The following CSMD3 variants were observed in gnomAD, a reference collection of about 807,000 sequenced individuals.
CSMD3 encodes CUB and sushi domain-containing protein 3.
Under a neutral mutation model 435.2 loss-of-function variants are expected in CSMD3, and 177 were observed. The observed-to-expected ratio is 0.41, with a 90% CI of 0.36 to 0.46. The LOEUF is 0.46. Ranked by LOEUF, CSMD3 falls within the 20% of genes least tolerant of loss-of-function variation. The pLI, the probability that CSMD3 is intolerant of heterozygous loss-of-function variation, is 0.34. For synonymous variants in CSMD3, 1,656 were observed against 1,520.5 expected, an observed-to-expected ratio of 1.09 and a Z score of -2.07; for missense variants, 4,265 against 4,504.6, an observed-to-expected ratio of 0.95 and a Z score of 1.52.
rs77664743 is a variant in CSMD3 at position 112,481,870 on chromosome 8, T to C, written c.5279-9163A>G. Among the ~76,000 whole-genome samples, 519 of 152,282 alleles carry C rather than the reference T, an allele frequency of 3.4e-3. 14 individuals carry two copies. The East Asian group carries it at 0.068, about 20-fold the overall frequency. On this transcript the variant is annotated intron_variant, in intron 31 of 70. Transcript: ENST00000297405. ...TAAAAATACCTAACTATCCAGCCAT[T>C]CCCTTCATGTCTTTTTATGTCTCCC...
chr8:113,164,704 A>G (rs954723877), intron 4 of CSMD3, among the ~76,000 whole-genome samples: 1 of 152,020 alleles, frequency 6.6e-6, no homozygotes, highest in African/African-American at 2.4e-5. Context: ...TCATCACTGA[A>G]TGGTTCAACC....
At chr8:112,744,121 C>T (rs7005129) in intron 13 of CSMD3, among the ~76,000 whole-genome samples, 125,626 of 152,090 alleles carry the variant, frequency 0.83, 52,032 homozygotes, top group East Asian at 0.92. Context: ...AGATGTACTT[C>T]TGGAAATTTC....
chr8:112,634,705 A>G (rs1186054242), intron 22 of CSMD3, among the ~76,000 whole-genome samples: 1 of 152,052 alleles, frequency 6.6e-6, no homozygotes, highest in Non-Finnish European at 1.5e-5. Context: ...TTATTAAAAT[A>G]TATCATAAAT....
chr8:113,270,302 G>A (rs1461945758), intron 3 of CSMD3, among the ~76,000 whole-genome samples: 11 of 65,056 alleles, frequency 1.7e-4, no homozygotes, highest in East Asian at 6.8e-4. Flanking sequence ...TTAAAAAGTC[G>A]ATCATTAAAA....
chr8:112,560,362 T>TC (rs1424343833), intron 24 of CSMD3, among the ~76,000 whole-genome samples: 2 of 151,702 alleles, frequency 1.3e-5, no homozygotes, highest in Non-Finnish European at 3.0e-5. Context: ...TTTCCTTTTT[T>TC]CCCCTCCCTC....
chr8:113,289,148 C>T (rs2093666601), intron 2 of CSMD3, among the ~76,000 whole-genome samples: 3 of 151,572 alleles, frequency 2.0e-5, no homozygotes, highest in Non-Finnish European at 4.4e-5. Context: ...CCTTTAAGTC[C>T]CTGTCAAGTT....
At chr8:112,988,541 A>G (rs2085336297) in intron 6 of CSMD3, among the ~76,000 whole-genome samples, 1 of 152,118 alleles carries the variant, frequency 6.6e-6, no homozygotes, top group Non-Finnish European at 1.5e-5. Flanking sequence ...CAATAGTTAC[A>G]AGACTCACAT....
Position 112,774,877 on chromosome 8 carries a change from G to A in CSMD3, c.1972+25285C>T, listed in dbSNP as rs187577344. Among the ~76,000 whole-genome samples the A allele has an allele frequency of 3.9e-4, 60 of 151,986 alleles. No homozygotes were observed. In the South Asian group the frequency reaches 0.012, roughly 31 times the overall value. On this transcript the variant is annotated intron_variant, in intron 13 of 70. Coordinates refer to ENST00000297405, the MANE Select transcript of CSMD3 (RefSeq NM_198123.2). ...CAAATATAAATCATATAATACAACTGATTGCTTAAATTCCTCTGATGACTT... is the reference window on the plus strand; with the variant it reads ...CAAATATAAATCATATAATACAACTAATTGCTTAAATTCCTCTGATGACTT...
chr8:113,416,404 T>C (rs1216776668), intron 1 of CSMD3, among the ~76,000 whole-genome samples: 1 of 152,110 alleles, frequency 6.6e-6, no homozygotes, highest in Non-Finnish European at 1.5e-5. Context: ...TCTTACACAA[T>C]CTATTAAATT....
intron 31 of CSMD3, among the ~76,000 whole-genome samples, chr8:112,482,536 T>C (rs1006301142): frequency 2.0e-5 from 3 of 152,204 alleles, no homozygotes; most frequent in African/African-American, 7.2e-5. Context: ...TCGCACGCTG[T>C]TGTCACTACC....
At chr8:112,361,597 A>G (rs930540196) in intron 38 of CSMD3, among the ~76,000 whole-genome samples, 3 of 130,460 alleles carry the variant, frequency 2.3e-5, no homozygotes, top group South Asian at 4.8e-4. Flanking sequence ...ATATATATAT[A>G]TATATATATA....
chr8:112,627,703 A>T (rs562898895), intron 22 of CSMD3, among the ~76,000 whole-genome samples: 1 of 152,280 alleles, frequency 6.6e-6, no homozygotes, highest in East Asian at 1.9e-4. Context: ...GAGATTTGAG[A>T]TTTTAATAAC....
rs578218335 is a variant in CSMD3 at position 112,893,117 on chromosome 8, A to AACT, written c.1633+28507_1633+28509dup. Among the ~76,000 whole-genome samples the AACT allele has an allele frequency of 5.4e-3, 807 of 150,754 alleles. 1 individual carries two copies. Among genetic ancestry groups the AACT allele is most frequent in the African/African-American group, 0.017 (690 of 41,180 alleles). On this transcript the variant is annotated intron_variant, in intron 10 of 70. Coordinates refer to ENST00000297405, the MANE Select transcript of CSMD3 (RefSeq NM_198123.2). ...ACTACAAAACTACTACTACTACTAC[A>AACT]ACTACTACTACTACTACTACTATCA...
rs577077152 is a variant in CSMD3, at chr8:112,270,960, C to T, written c.9509-5370G>A. Among the ~76,000 whole-genome samples, 3 of 152,220 alleles carry T rather than the reference C, an allele frequency of 2.0e-5. No individual in the cohort carries two copies. The South Asian group carries it at 6.2e-4, about 32-fold the overall frequency. ...ATTTTAAGGGTATTATTAATTTTCT[C>T]AAGGGCCTCTATTCATTCTTTCATT... On this transcript the variant is annotated intron_variant, in intron 59 of 70. Transcript: ENST00000297405.
At chr8:112,662,657 G>C (rs948989188) in intron 17 of CSMD3, among the ~76,000 whole-genome samples, 3 of 152,116 alleles carry the variant, frequency 2.0e-5, no homozygotes, top group African/African-American at 7.2e-5. Context: ...GGCAACAAAA[G>C]CCAAAACTGA....
intron 22 of CSMD3, among the ~76,000 whole-genome samples, chr8:112,589,828 G>A (rs1023496233): frequency 1.3e-5 from 2 of 152,042 alleles, no homozygotes; most frequent in Non-Finnish European, 2.9e-5. Context: ...CGATCCAACC[G>A]GTAAAGGCGA....
Position 112,591,539 on chromosome 8 carries a change from T to C in CSMD3, c.3716-4304A>G, listed in dbSNP as rs146935038. On this transcript the variant is annotated intron_variant, in intron 22 of 70. Transcript: ENST00000297405. ...AAAATGTCTAGATCAGTAAACTTCA[T>C]AGTTACTTTTTTAAAAATGTGCATT... Among the ~76,000 whole-genome samples, 62 of 152,234 alleles carry C rather than the reference T, an allele frequency of 4.1e-4. No individual in the cohort carries two copies. The East Asian group carries it at 7.6e-3, about 19-fold the overall frequency.
At chr8:112,808,638 T>C (rs1451876149) in intron 12 of CSMD3, among the ~76,000 whole-genome samples, 1 of 152,204 alleles carries the variant, frequency 6.6e-6, no homozygotes, top group African/African-American at 2.4e-5. Context: ...CACCTTGCGA[T>C]GGATTTAAAG....
At chr8:112,373,210 T>G (rs1449676478) in intron 38 of CSMD3, among the ~76,000 whole-genome samples, 1 of 151,862 alleles carries the variant, frequency 6.6e-6, no homozygotes, top group East Asian at 1.9e-4. Flanking sequence ...AACACTATCC[T>G]TTTTTATAGA....
Sources: gnomAD v4.1 joint callset for allele counts (sites outside exome capture counted in the v4.1 genomes callset) on GRCh38, gnomAD v4.1.1 for gene constraint, MANE v1.5 for transcripts, NCBI Gene and HGNC (gene_info 2026-07-23, HGNC 2026-07-21) for gene names.